The following AEBP1 variants were observed in gnomAD, a reference collection of about 807,000 sequenced individuals.
AEBP1 encodes the protein AE binding protein 1, also known as adipocyte enhancer-binding protein 1.
Under a neutral mutation model 116.5 loss-of-function variants are expected in AEBP1, and 69 were observed. That is an observed-to-expected ratio of 0.59 (90% CI 0.49 to 0.72). AEBP1 has a LOEUF of 0.72. AEBP1 is among the 30% of genes least tolerant of loss of function. The pLI, the probability that AEBP1 is intolerant of heterozygous loss-of-function variation, is 0.00. For synonymous variants in AEBP1, 627 were observed against 627.3 expected (o/e 1.00, Z 0.01); for missense variants, 1,444 against 1,557.5 (o/e 0.93, Z 1.23).
At position 44,113,818 on chromosome 7, in the gene AEBP1, A is replaced by AC. The variant is rs767004468; in HGVS notation, c.3040dup (p.Gln1014ProfsTer71). 1.5e-5 allele frequency: 25 copies of AC among 1,613,356 alleles called. No individual in the cohort carries two copies. The highest frequency in any genetic ancestry group is 2.2e-5 in the East Asian group (1 of 44,864). On this transcript the variant is annotated frameshift_variant, in exon 21 of 21. Transcript: ENST00000223357. LOFTEE classifies it low-confidence loss of function (END_TRUNC). The surrounding 1 kb of genome is among the most constrained non-coding windows in gnomAD (Gnocchi z 5.3). ...ACACATAGACCCATCGCGCCCTATGACCCCCCAACAGCGACGCCTGCAGCA... is the reference window on the plus strand; with the variant it reads ...ACACATAGACCCATCGCGCCCTATGACCCCCCCAACAGCGACGCCTGCAGCA...
At position 44,111,576 on chromosome 7, in the gene AEBP1, G is replaced by A; in HGVS notation, c.1786G>A (p.Gly596Ser). 1 of 1,613,110 alleles carries A rather than the reference G, an allele frequency of 6.2e-7. No homozygotes were observed. The highest frequency in any genetic ancestry group is 8.5e-7 in the Non-Finnish European group (1 of 1,179,630). ...RTYSLGKSSR[G>S]LKIYAMEISD... ...TTACAGCCTGGGCAAGAGCTCACGA[G>A]GCCTCAAGATCTATGCCATGGAGAT... The change falls in exon 15 of 21, where the codon GGC becomes AGC. Residue 596 changes from glycine (G) to serine (S), a missense_variant. Transcript: ENST00000223357. This position sits in a 1 kb window ranked among gnomAD's most constrained non-coding sequence, Gnocchi z 4.7.
At chr7:44,105,064 G>T in intron 1 of AEBP1, 146 bp downstream of exon 1, 4 of 807,450 alleles carry the variant, frequency 5.0e-6, no homozygotes, top group Non-Finnish European at 7.6e-6. Context: ...ATGCCTGGAG[G>T]GACCCTGTGC....
At position 44,113,757 on chromosome 7, in the gene AEBP1, G is replaced by A. The variant is rs371157380; in HGVS notation, c.2973G>A (p.Arg991=). The change falls in exon 21 of 21, where the codon CGG becomes CGA. Residue 991 remains arginine, a synonymous_variant. Transcript: ENST00000223357. This position sits in a 1 kb window ranked among gnomAD's most constrained non-coding sequence, Gnocchi z 5.3. The stretch of plus-strand genomic sequence containing the variant: ...CTCGCTCCAACTGGAAGCGCATCCG[G>A]GAGATCATGGCCATGAACGGGAACC... The part of the protein sequence containing the change: ...ILARSNWKRI[R]EIMAMNGNRP... 1 of 1,614,098 alleles carries A rather than the reference G, an allele frequency of 6.2e-7. No homozygotes were observed.
rs201736457 is a variant in AEBP1, at chr7:44,107,527, C to T, written c.667+17C>T. ...ACCAGCCTGGTGAGTGGCCGTCATCCGCCTGGCCTTGGGGCCAGCTGCCCT... is the reference window on the plus strand; with the variant it reads ...ACCAGCCTGGTGAGTGGCCGTCATCTGCCTGGCCTTGGGGCCAGCTGCCCT... On this transcript the variant is annotated intron_variant, in intron 3 of 20. Transcript: ENST00000223357. This position sits in a 1 kb window ranked among gnomAD's most constrained non-coding sequence, Gnocchi z 4.3. 214 of 1,613,412 alleles carry T rather than the reference C, an allele frequency of 1.3e-4. 1 individual carries two copies. Among genetic ancestry groups the T allele is most frequent in the African/African-American group, 1.3e-3 (95 of 75,042 alleles).
At position 44,112,862 on chromosome 7, in the gene AEBP1, G is replaced by A. The variant is rs1414152215; in HGVS notation, c.2522G>A (p.Gly841Asp). 1.2e-6 allele frequency: 2 copies of A among 1,612,264 alleles called. No individual in the cohort carries two copies. Among genetic ancestry groups the A allele is most frequent in the South Asian group, 2.2e-5 (2 of 91,060 alleles). The change falls in exon 18 of 21, where the codon GGC becomes GAC. Residue 841 changes from glycine to aspartate, a missense_variant. Physicochemically the swap from Gly to Asp is moderately conservative, Grantham distance 94 (BLOSUM62 -1). Transcript: ENST00000223357. This position sits in a 1 kb window ranked among gnomAD's most constrained non-coding sequence, Gnocchi z 6.6. ...GGCTGCCAAGCCCAGGACTACACCG[G>A]CGGCATGGGCATCGTCAACGGGGCC... ...RGGCQAQDYTGGMGIVNGAKW... is the reference protein window; with the variant it reads ...RGGCQAQDYTDGMGIVNGAKW...
At position 44,106,845 on chromosome 7, in the gene AEBP1, C is replaced by A. The variant is rs774689972; in HGVS notation, c.553C>A (p.Pro185Thr). 7 of 1,603,694 alleles carry A rather than the reference C, an allele frequency of 4.4e-6. No homozygotes were observed. In the East Asian group the frequency reaches 1.3e-4, roughly 31 times the overall value. Residue 185 changes from proline to threonine, a missense_variant, in exon 2 of 21, where the codon CCA (proline) becomes ACA (threonine). Pro to Thr is a conservative substitution (Grantham distance 38, BLOSUM62 -1). Coordinates refer to ENST00000223357, the MANE Select transcript of AEBP1 (RefSeq NM_001129.5). ...AGAAACCCTGGAGTGGCCACTGCCC[C>A]CACCCCCCAGCCCTGGCCCCGAGGA... is the stretch of plus-strand genomic sequence containing the variant. ...PSETLEWPLPPPPSPGPEELP... is the reference protein window; with the variant it reads ...PSETLEWPLPTPPSPGPEELP...
rs1476668852 is a variant in AEBP1, at chr7:44,108,052, G to A, written c.908G>A (p.Gly303Asp). ...CTGCCCCCGCTGCCCCCTGACTATG[G>A]TGATGGTTACGTGATCCCCAACTAC... Reference protein sequence around the residue: ...PLLPPLPPDYGDGYVIPNYDD... With the variant: ...PLLPPLPPDYDDGYVIPNYDD... Residue 303 changes from glycine to aspartate, a missense_variant, in exon 6 of 21, where the codon GGT becomes GAT. Gly to Asp is a moderately conservative substitution (Grantham distance 94). Coordinates refer to ENST00000223357, the MANE Select transcript of AEBP1 (RefSeq NM_001129.5). The surrounding 1 kb of genome is among the most constrained non-coding windows in gnomAD (Gnocchi z 5.0). 2.5e-6 allele frequency: 4 copies of A among 1,602,340 alleles called. No individual in the cohort carries two copies. Among genetic ancestry groups the A allele is most frequent in the Middle Eastern group, 1.9e-4 (1 of 5,226 alleles).
At position 44,113,823 on chromosome 7, in the gene AEBP1, C is replaced by T. The variant is rs1344623643; in HGVS notation, c.3039C>T (p.Pro1013=). ...TAGACCCATCGCGCCCTATGACCCCCCAACAGCGACGCCTGCAGCAGCGAC... is the reference window on the plus strand; with the variant it reads ...TAGACCCATCGCGCCCTATGACCCCTCAACAGCGACGCCTGCAGCAGCGAC... ...PHIDPSRPMT[P]QQRRLQQRRL... Residue 1013 remains proline, a synonymous_variant, in exon 21 of 21, where the codon CCC becomes CCT. Transcript: ENST00000223357. This position sits in a 1 kb window ranked among gnomAD's most constrained non-coding sequence, Gnocchi z 5.3. 1.2e-6 allele frequency: 2 copies of T among 1,613,900 alleles called. No homozygotes were observed. Among genetic ancestry groups the T allele is most frequent in the East Asian group, 4.5e-5 (2 of 44,896 alleles).
rs760618001 is a variant in AEBP1, at chr7:44,111,110, G to A, written c.1631-44G>A. On this transcript the variant is annotated intron_variant, in intron 13 of 20. Coordinates refer to ENST00000223357, the MANE Select transcript of AEBP1 (RefSeq NM_001129.5). The surrounding 1 kb of genome is among the most constrained non-coding windows in gnomAD (Gnocchi z 4.7). Reference sequence around the variant, plus strand: ...TGAGTGGAGGTGGGGTGCTAGGGTGGGCCAGCCGGCACCCAGCTAAAGACA... The same window carrying A: ...TGAGTGGAGGTGGGGTGCTAGGGTGAGCCAGCCGGCACCCAGCTAAAGACA... 2.5e-6 allele frequency: 4 copies of A among 1,582,222 alleles called. No individual in the cohort carries two copies. The highest frequency in any genetic ancestry group is 1.7e-5 in the Admixed American group (1 of 57,744).
At position 44,113,282 on chromosome 7, in the gene AEBP1, G is replaced by C; in HGVS notation, c.2740G>C (p.Asp914His). The change falls in exon 20 of 21, where the codon GAC becomes CAC. Residue 914 changes from aspartate to histidine, a missense_variant. Physicochemically the swap from Asp to His is moderately conservative, Grantham distance 81. Coordinates refer to ENST00000223357, the MANE Select transcript of AEBP1 (RefSeq NM_001129.5). This position sits in a 1 kb window ranked among gnomAD's most constrained non-coding sequence, Gnocchi z 5.3. ...CCGCGGCATTAAGGGGGTGGTGACG[G>C]ACGAGCAAGGCATCCCCATTGCCAA... ...VHRGIKGVVT[D>H]EQGIPIANAT... 1 of 1,613,706 alleles carries C rather than the reference G, an allele frequency of 6.2e-7. No homozygotes were observed.
rs2096220954 is a variant in AEBP1, at chr7:44,104,631, C to T, written c.-35C>T. The T allele has an allele frequency of 5.0e-6, 7 of 1,398,810 alleles. No individual in the cohort carries two copies. The highest frequency in any genetic ancestry group is 6.5e-6 in the Non-Finnish European group (7 of 1,080,970). The allele number at this position is 1,398,810 out of a possible 1,614,324, so 86.6% of individuals were successfully genotyped here. ...GAGACCCAGAGCCCCTGACCCCCCG[C>T]GCCCTCCCCGGAGCCCCCCGCGCGT... On this transcript the variant is annotated 5_prime_UTR_variant, in exon 1 of 21. Transcript: ENST00000223357.
chr7:44,110,455 A>G, intron 11 of AEBP1, 109 bp downstream of exon 11: 4 of 1,506,864 alleles, frequency 2.7e-6, no homozygotes, highest in South Asian at 2.5e-5. Context: ...CCAGCCAAAG[A>G]AGGCCAAAAA....
In AEBP1 at chr7:44,111,096, G is replaced by A; in HGVS notation, c.1630+39G>A. 2 of 1,590,194 alleles carry A rather than the reference G, an allele frequency of 1.3e-6. No individual in the cohort carries two copies. The highest frequency in any genetic ancestry group is 1.1e-5 in the South Asian group (1 of 87,786). On this transcript the variant is annotated intron_variant, in intron 13 of 20. Transcript: ENST00000223357. This position sits in a 1 kb window ranked among gnomAD's most constrained non-coding sequence, Gnocchi z 4.7. ...GCTGGCAGGGGCTCTGAGTGGAGGT[G>A]GGGTGCTAGGGTGGGCCAGCCGGCA...
chr7:44,112,881 C>A lies in AEBP1; in HGVS notation c.2541C>A (p.Asn847Lys). The change falls in exon 18 of 21, where the codon AAC becomes AAA. Residue 847 changes from asparagine (N) to lysine (K), a missense_variant. Coordinates refer to ENST00000223357, the MANE Select transcript of AEBP1 (RefSeq NM_001129.5). The surrounding 1 kb of genome is among the most constrained non-coding windows in gnomAD (Gnocchi z 6.6). The part of the protein sequence containing the change: ...QDYTGGMGIV[N>K]GAKWNPRTGT... ...ACACCGGCGGCATGGGCATCGTCAA[C>A]GGGGCCAAGTGGAACCCCCGGACCG... 6.2e-7 allele frequency: 1 copy of A among 1,612,180 alleles called. No homozygotes were observed. Among genetic ancestry groups the A allele is most frequent in the South Asian group, 1.1e-5 (1 of 91,032 alleles).
Position 44,111,749 on chromosome 7 carries a change from C to T in AEBP1, c.1841-105C>T. The T allele has an allele frequency of 2.0e-6, 3 of 1,532,640 alleles. No individual in the cohort carries two copies. The highest frequency in any genetic ancestry group is 2.6e-6 in the Non-Finnish European group (3 of 1,135,310). 94.9% of individuals were successfully genotyped at this position (1,532,640 alleles called of 1,614,324 possible). A position where few individuals can be genotyped will look rare whatever the true frequency, so the allele number is the denominator to read the frequency against. ...GCTTGTCTTACAGGGCCCTAGGAGCCCCAGCTGTCCCCCAGACCCTCGGGT... is the reference window on the plus strand; with the variant it reads ...GCTTGTCTTACAGGGCCCTAGGAGCTCCAGCTGTCCCCCAGACCCTCGGGT... On this transcript the variant is annotated intron_variant, in intron 15 of 20. Coordinates refer to ENST00000223357, the MANE Select transcript of AEBP1 (RefSeq NM_001129.5). This position sits in a 1 kb window ranked among gnomAD's most constrained non-coding sequence, Gnocchi z 4.7.
At chr7:44,109,363 G>A in intron 9 of AEBP1, 22 bp downstream of exon 9, 1 of 1,509,954 alleles carries the variant, frequency 6.6e-7, no homozygotes, top group Non-Finnish European at 9.0e-7. Flanking sequence ...GCACAAGGGG[G>A]TGAGGGTGGG....
chr7:44,113,064 T>C lies in AEBP1; in HGVS notation c.2643T>C (p.Pro881=). The C allele has an allele frequency of 6.2e-7, 1 of 1,614,088 alleles. No individual in the cohort carries two copies. The highest frequency in any genetic ancestry group is 8.5e-7 in the Non-Finnish European group (1 of 1,180,008). The change falls in exon 19 of 21, where the codon CCT becomes CCC. Residue 881 remains proline (P), a synonymous_variant. Transcript: ENST00000223357. The surrounding 1 kb of genome is among the most constrained non-coding windows in gnomAD (Gnocchi z 5.3). ...LSFYLGCDKF[P]HESELPREWE... is the part of the protein sequence containing the mutation. ...TCTACCTGGGCTGTGACAAGTTCCC[T>C]CATGAGAGTGAGCTGCCCCGCGAGT...
intron 10 of AEBP1, 30 bp downstream of exon 10, chr7:44,110,154 C>A (rs1169219080): frequency 1.2e-6 from 2 of 1,613,206 alleles, no homozygotes; most frequent in African/African-American, 1.3e-5. Context: ...CATCTCCCAA[C>A]TGGGATAAGG....
rs1273695594 is a variant in AEBP1, at chr7:44,105,129, C to G, written c.253+211C>G. 7.9e-5 allele frequency among the ~76,000 whole-genome samples: 12 copies of G among 152,244 alleles called. No homozygotes were observed. The South Asian group carries it at 2.3e-3, about 29-fold the overall frequency. ...ACATCCAGCACCCGGGCGGCAGGGC[C>G]GCTTTTGGGGGCCGGTGGCTCTAGG... On this transcript the variant is annotated intron_variant, in intron 1 of 20. Coordinates refer to ENST00000223357, the MANE Select transcript of AEBP1 (RefSeq NM_001129.5).
Sources: allele counts gnomAD v4.1 joint callset (sites outside exome capture counted in the v4.1 genomes callset), GRCh38; gene constraint gnomAD v4.1.1; non-coding constraint Gnocchi (gnomAD v3.1); transcripts MANE v1.5; gene names NCBI Gene and HGNC (gene_info 2026-07-23, HGNC 2026-07-21).